The following C2CD5 variants were observed in gnomAD, a reference collection of about 807,000 sequenced individuals.
C2CD5 encodes C2 domain-containing protein 5.
C2CD5 carries 109 observed loss-of-function variants against 130.3 expected under a neutral mutation model. That is an observed-to-expected ratio of 0.84 (90% confidence interval 0.72 to 0.98). C2CD5 has a LOEUF of 0.98. Among genes scored for constraint, C2CD5 ranks in the 50% least tolerant of loss-of-function variants. The pLI, the probability that C2CD5 is intolerant of heterozygous loss-of-function variation, is 0.00. For missense variants in C2CD5, 996 were observed against 1,261.8 expected (o/e 0.79, Z 3.19); for synonymous variants, 454 against 429.2 (o/e 1.06, Z -0.71).
intron 3 of C2CD5, 101 bp downstream of exon 3, chr12:22,535,157 G>T: frequency 1.4e-6 from 1 of 705,736 alleles, no homozygotes; most frequent in Non-Finnish European, 2.5e-6. Flanking sequence ...TTGTGATGTA[G>T]AAATACTACT....
Position 22,543,963 on chromosome 12 carries a change from C to G in C2CD5, c.90+98G>C, listed in dbSNP as rs1399979249. 5.5e-6 allele frequency: 5 copies of G among 901,640 alleles called. No homozygotes were observed. In the Admixed American group the frequency reaches 9.7e-5, roughly 17 times the overall value. The allele number at this position is 901,640 out of a possible 1,614,324, so 55.9% of individuals were successfully genotyped here. On this transcript the variant is annotated intron_variant, in intron 2 of 26. Transcript: ENST00000446597. Reference sequence around the variant, plus strand: ...CAACCACGGCCGAAGGGAGGGCAGTCGAGGGGGGAATAGGCTGAGGGGCTG... The same window carrying G: ...CAACCACGGCCGAAGGGAGGGCAGTGGAGGGGGGAATAGGCTGAGGGGCTG...
chr12:22,532,257 G>A (rs1951351677), intron 3 of C2CD5, among the ~76,000 whole-genome samples: 1 of 151,852 alleles, frequency 6.6e-6, no homozygotes, highest in Non-Finnish European at 1.5e-5. Context: ...TTGAACCTGA[G>A]AGGCAGAGGT....
chr12:22,519,070 C>T (rs1405169405), intron 7 of C2CD5: 12 of 1,511,348 alleles, frequency 7.9e-6, no homozygotes, highest in Admixed American at 6.1e-5. Flanking sequence ...CCACTCTGCC[C>T]GTGGCCTGCA....
intron 22 of C2CD5, chr12:22,463,866 T>C (rs1011690273): frequency 3.9e-5 from 6 of 152,230 alleles, no homozygotes; most frequent in Non-Finnish European, 7.3e-5. Context: ...GATTAAAATA[T>C]ATGCAGTTGG....
intron 7 of C2CD5, among the ~76,000 whole-genome samples, chr12:22,522,337 T>C (rs116194697): frequency 4.8e-4 from 73 of 152,320 alleles, no homozygotes; most frequent in African/African-American, 1.6e-3. Flanking sequence ...CAACAGGACC[T>C]AGCACCCTAA....
chr12:22,491,924 A>G (rs1037411964), intron 11 of C2CD5, among the ~76,000 whole-genome samples: 6 of 152,092 alleles, frequency 3.9e-5, no homozygotes, highest in Admixed American at 3.3e-4. Flanking sequence ...TAAGGCCTCA[A>G]AGTTTATGAC....
chr12:22,464,128 G>A (rs570659324), intron 22 of C2CD5, among the ~76,000 whole-genome samples: 37 of 152,150 alleles, frequency 2.4e-4, no homozygotes, highest in Non-Finnish European at 5.0e-4. Context: ...TATTACAGTT[G>A]TAAATTACTA....
intron 10 of C2CD5, among the ~76,000 whole-genome samples, chr12:22,499,336 A>G (rs530435376): frequency 3.9e-5 from 6 of 152,362 alleles, no homozygotes; most frequent in Admixed American, 2.6e-4. Context: ...TTAAGAGTAC[A>G]GGTTCTGAAG....
intron 23 of C2CD5, 151 bp downstream of exon 23, chr12:22,459,341 G>C: frequency 4.3e-6 from 2 of 464,082 alleles, no homozygotes; most frequent in Non-Finnish European, 7.6e-6. Flanking sequence ...GCTTTTAAAA[G>C]AACATATTCT....
At chr12:22,532,451 A>G (rs898436657) in intron 3 of C2CD5, among the ~76,000 whole-genome samples, 2 of 151,830 alleles carry the variant, frequency 1.3e-5, no homozygotes, top group Admixed American at 1.3e-4. Flanking sequence ...TTCATGTTTG[A>G]AAAAAAACAG....
intron 24 of C2CD5, 84 bp from the exon 25 acceptor site, chr12:22,457,245 C>CA (rs1940080390): frequency 1.2e-5 from 10 of 867,390 alleles, no homozygotes; most frequent in Non-Finnish European, 1.7e-5. Flanking sequence ...TAAGTGGTGA[C>CA]AACATTCAGC....
chr12:22,531,288 A>G (rs1333035599), intron 3 of C2CD5, among the ~76,000 whole-genome samples: 1 of 152,244 alleles, frequency 6.6e-6, no homozygotes, highest in South Asian at 2.1e-4. Flanking sequence ...GTACATATAC[A>G]CAAAAGAAAA....
intron 8 of C2CD5, among the ~76,000 whole-genome samples, chr12:22,514,210 T>C (rs1591936363): frequency 6.6e-6 from 1 of 152,196 alleles, no homozygotes; most frequent in Non-Finnish European, 1.5e-5. Context: ...GTTAATCCCA[T>C]CCCTTTCAAA....
At chr12:22,511,463 A>T (rs1425247029) in intron 9 of C2CD5, among the ~76,000 whole-genome samples, 1 of 152,202 alleles carries the variant, frequency 6.6e-6, no homozygotes, top group East Asian at 1.9e-4. Flanking sequence ...GTAGAGAAGT[A>T]CTCTCATAAA....
At chr12:22,538,614 T>A (rs771529722) in intron 2 of C2CD5, among the ~76,000 whole-genome samples, 6 of 152,248 alleles carry the variant, frequency 3.9e-5, no homozygotes, top group Non-Finnish European at 8.8e-5. Context: ...ATTTTTGGAC[T>A]ACTCAGTAAT....
chr12:22,484,921 T>C lies in C2CD5; in HGVS notation c.1359-33A>G, dbSNP rs1425715434. On this transcript the variant is annotated intron_variant, in intron 12 of 26. Transcript: ENST00000446597. ...AATAAATAAAAAAATAAGATATTCT[T>C]TAAAAATGTACCAATTTTTTCAAAA... is the stretch of plus-strand genomic sequence containing the variant. The C allele has an allele frequency of 2.7e-6, 3 of 1,117,702 alleles. No homozygotes were observed. The African/African-American group carries it at 4.8e-5, about 18-fold the overall frequency. The allele number at this position is 1,117,702 out of a possible 1,614,324, so 69.2% of individuals were successfully genotyped here. A position where few individuals can be genotyped will look rare whatever the true frequency, so the allele number is the denominator to read the frequency against.
intron 2 of C2CD5, among the ~76,000 whole-genome samples, chr12:22,538,494 G>A (rs1457137678): frequency 1.3e-5 from 2 of 152,182 alleles, no homozygotes; most frequent in Non-Finnish European, 2.9e-5. Context: ...CTTACCCAGA[G>A]GAGTATTTAC....
At chr12:22,531,518 A>G (rs1356498875) in intron 3 of C2CD5, among the ~76,000 whole-genome samples, 1 of 152,204 alleles carries the variant, frequency 6.6e-6, no homozygotes, top group East Asian at 1.9e-4. Flanking sequence ...ACTTGCCTCA[A>G]AGGTAAAGTC....
chr12:22,525,348 T>C (rs1410613962), intron 5 of C2CD5, among the ~76,000 whole-genome samples: 2 of 152,346 alleles, frequency 1.3e-5, no homozygotes, highest in Admixed American at 1.3e-4. Flanking sequence ...CGTAGTGTTC[T>C]GCTCCTTTCT....
Sources: gnomAD v4.1 joint callset for allele counts (sites outside exome capture counted in the v4.1 genomes callset) on GRCh38, gnomAD v4.1.1 for gene constraint, MANE v1.5 for transcripts, NCBI Gene and HGNC (gene_info 2026-07-23, HGNC 2026-07-21) for gene names.